The following PATJ variants were observed in gnomAD, a reference collection of about 807,000 sequenced individuals.
PATJ encodes inaD-like protein.
PATJ carries 190 observed loss-of-function variants against 224.9 expected under a neutral mutation model. The ratio of observed to expected loss-of-function variants is 0.84; its 90% confidence interval spans 0.75 to 0.95. PATJ has a LOEUF of 0.95. PATJ is among the 40% of genes least tolerant of loss of function. The probability of loss-of-function intolerance (pLI) is 0.00; values close to 1 mark genes in which losing one functional copy is unlikely to be tolerated. For missense variants in PATJ, 2,121 were observed against 2,270.3 expected, an observed-to-expected ratio of 0.93 and a Z score of 1.34; for synonymous variants, 769 against 820.3, an observed-to-expected ratio of 0.94 and a Z score of 1.07.
intron 31 of PATJ, among the ~76,000 whole-genome samples, chr1:62,052,355 A>G (rs1653776537): frequency 6.6e-6 from 1 of 151,696 alleles, no homozygotes; most frequent in Non-Finnish European, 1.5e-5. Flanking sequence ...GGAAATTGTA[A>G]TGGGCCACTC....
At chr1:62,084,172 T>C (rs184512982) in intron 32 of PATJ, among the ~76,000 whole-genome samples, 1 of 152,322 alleles carries the variant, frequency 6.6e-6, no homozygotes, top group East Asian at 1.9e-4. Context: ...GAGAATTGCT[T>C]GAACCCAGGA....
intron 28 of PATJ, among the ~76,000 whole-genome samples, chr1:61,995,814 G>A (rs920507477): frequency 5.9e-5 from 9 of 152,288 alleles, no homozygotes; most frequent in East Asian, 1.9e-4. Context: ...AATTAGTCCC[G>A]GAAAATGCAC....
At chr1:62,104,532 A>G (rs1427279602) in intron 33 of PATJ, among the ~76,000 whole-genome samples, 1 of 152,224 alleles carries the variant, frequency 6.6e-6, no homozygotes, top group East Asian at 1.9e-4. Flanking sequence ...GCACACAATA[A>G]GAAATGTGGC....
Position 61,787,929 on chromosome 1 carries a change from T to C in PATJ, c.1025T>C (p.Leu342Ser), listed in dbSNP as rs115241683. Residue 342 changes from leucine (L) to serine (S), a missense_variant, in exon 8 of 44, where the codon TTA (leucine) becomes TCA (serine). Leu to Ser is a moderately radical substitution (Grantham distance 145, BLOSUM62 -2). Transcript: ENST00000642238. ...GTCACCCCCCCTGCCCCTGCAGCCT[T>C]ACCTGTTGCCCTGCCTACTGTAGCC... ...ISVTPPAPAA[L>S]PVALPTVASK... 1.1e-3 allele frequency: 1,714 copies of C among 1,613,894 alleles called. 22 individuals carry two copies. The African/African-American group carries it at 0.02, about 19-fold the overall frequency.
intron 26 of PATJ, among the ~76,000 whole-genome samples, chr1:61,922,402 A>G (rs1265288755): frequency 6.6e-6 from 1 of 152,172 alleles, no homozygotes; most frequent in Non-Finnish European, 1.5e-5. Flanking sequence ...AAAATGTGAC[A>G]TCTGGAAGGG....
chr1:62,067,123 C>CTTTTTT (rs11381578), intron 31 of PATJ, among the ~76,000 whole-genome samples: 31 of 116,446 alleles, frequency 2.7e-4, no homozygotes, highest in East Asian at 5.5e-4. Flanking sequence ...CCTATTCTTT[C>CTTTTTT]TTTTTTTTTT....
At chr1:61,999,069 A>G (rs1039721220) in intron 28 of PATJ, among the ~76,000 whole-genome samples, 2 of 151,936 alleles carry the variant, frequency 1.3e-5, no homozygotes, top group African/African-American at 4.8e-5. Flanking sequence ...TGATGATTGA[A>G]GAAGCAGATT....
intron 29 of PATJ, among the ~76,000 whole-genome samples, chr1:62,035,063 T>C (rs570723564): frequency 6.6e-6 from 1 of 152,296 alleles, no homozygotes; most frequent in South Asian, 2.1e-4. Context: ...TGGTGTTCAA[T>C]GGGAGAAATT....
chr1:61,880,433 A>T (rs1177185991), intron 21 of PATJ, among the ~76,000 whole-genome samples: 1 of 152,246 alleles, frequency 6.6e-6, no homozygotes, highest in Non-Finnish European at 1.5e-5. Flanking sequence ...CCCATTAGCC[A>T]AAGAAGTAAA....
intron 17 of PATJ, among the ~76,000 whole-genome samples, chr1:61,837,043 T>A (rs1020622898): frequency 6.6e-6 from 1 of 152,224 alleles, no homozygotes; most frequent in African/African-American, 2.4e-5. Flanking sequence ...ATGAACAGCC[T>A]TTTCTCTAGA....
intron 17 of PATJ, among the ~76,000 whole-genome samples, chr1:61,846,514 G>T (rs937710724): frequency 5.9e-5 from 9 of 152,110 alleles, no homozygotes; most frequent in African/African-American, 9.6e-5. Context: ...AAATTGTAAG[G>T]TACACTTAAC....
At chr1:61,983,692 C>T (rs1644574424) in intron 27 of PATJ, among the ~76,000 whole-genome samples, 1 of 151,998 alleles carries the variant, frequency 6.6e-6, no homozygotes, top group Non-Finnish European at 1.5e-5. Context: ...CTAATATATG[C>T]CAGACACTGT....
intron 31 of PATJ, among the ~76,000 whole-genome samples, chr1:62,067,247 C>T (rs1295030458): frequency 6.6e-6 from 1 of 151,606 alleles, no homozygotes; most frequent in Non-Finnish European, 1.5e-5. Flanking sequence ...CTGCCTCAGC[C>T]TCACGAGTAG....
chr1:61,963,141 C>G (rs1396855459), intron 27 of PATJ, among the ~76,000 whole-genome samples: 2 of 115,018 alleles, frequency 1.7e-5, no homozygotes, highest in African/African-American at 5.2e-5. Context: ...AGGATTTCCA[C>G]TGGTAGGTTA....
chr1:61,866,641 T>A lies in PATJ; in HGVS notation c.2835+2008T>A, dbSNP rs368971552. ...TGTAACGTTAAGTTAAAAAAAAAAATCCCTCTTATAAGTTTGTATTGATGC... is the reference window on the plus strand; with the variant it reads ...TGTAACGTTAAGTTAAAAAAAAAAAACCCTCTTATAAGTTTGTATTGATGC... On this transcript the variant is annotated intron_variant, in intron 20 of 43. Coordinates refer to ENST00000642238, the MANE Select transcript of PATJ (RefSeq NM_001350145.3). 1.5e-4 allele frequency among the ~76,000 whole-genome samples: 23 copies of A among 151,814 alleles called. No individual in the cohort carries two copies. The South Asian group carries it at 4.6e-3, about 30-fold the overall frequency.
chr1:61,988,784 A>G (rs1029096190), intron 27 of PATJ, among the ~76,000 whole-genome samples: 1 of 152,238 alleles, frequency 6.6e-6, no homozygotes, highest in Non-Finnish European at 1.5e-5. Context: ...GTGTTTGTTA[A>G]GTCTGGTAAA....
At chr1:61,886,493 T>C (rs930332539) in intron 22 of PATJ, among the ~76,000 whole-genome samples, 18 of 152,142 alleles carry the variant, frequency 1.2e-4, no homozygotes, top group African/African-American at 4.1e-4. Context: ...GGTTAAAAAT[T>C]GGACACAGAA....
intron 31 of PATJ, among the ~76,000 whole-genome samples, chr1:62,060,439 T>A (rs943393465): frequency 6.6e-6 from 1 of 152,094 alleles, no homozygotes; most frequent in African/African-American, 2.4e-5. Context: ...CAAACATAGC[T>A]TCATTGCAAC....
chr1:62,108,401 G>C, intron 33 of PATJ, 36 bp from the exon 34 acceptor site: 1 of 1,341,836 alleles, frequency 7.5e-7, no homozygotes. Context: ...AAGCATTTGT[G>C]GTTGTTGAAA....
Sources: gnomAD v4.1 joint callset for allele counts (sites outside exome capture counted in the v4.1 genomes callset) on GRCh38, gnomAD v4.1.1 for gene constraint, MANE v1.5 for transcripts, NCBI Gene and HGNC (gene_info 2026-07-23, HGNC 2026-07-21) for gene names.